The following OCA2 variants were observed in gnomAD, a reference collection of about 807,000 sequenced individuals.
The protein encoded by OCA2 is OCA2 melanosomal transmembrane protein, also known as P protein.
A neutral mutation model predicts 100.2 loss-of-function variants in OCA2; 77 were observed. That is an observed-to-expected ratio of 0.77 (90% CI 0.64 to 0.93). OCA2 has a LOEUF of 0.93. Among genes scored for constraint, OCA2 ranks in the 40% least tolerant of loss-of-function variants. The pLI is 0.00. For synonymous variants in OCA2, 432 were observed against 439.2 expected (o/e 0.98, Z 0.21); for missense variants, 1,062 against 1,089.1 (o/e 0.98, Z 0.35).
rs150161791 is a variant in OCA2 at position 27,770,915 on chromosome 15, C to CTCCCTCCCTCTTTTTTCTTTCCT, written c.2433-15444_2433-15443insAGGAAAGAAAAAAGAGGGAGGGA. On this transcript the variant is annotated intron_variant, in intron 23 of 23. Transcript: ENST00000354638. ...CCATCTCCTTTTCCTTCCTTCCCTC[C>CTCCCTCCCTCTTTTTTCTTTCCT]TCCCTCCCTCTTTTCCTTTCTTCCT... 7.2e-5 allele frequency among the ~76,000 whole-genome samples: 8 copies of CTCCCTCCCTCTTTTTTCTTTCCT among 111,390 alleles called. 1 individual carries two copies. The highest frequency in any genetic ancestry group is 7.1e-4 in the Admixed American group (8 of 11,324). The allele number at this position is 111,390 out of a possible 152,430, so 73.1% of individuals were successfully genotyped here. A position where few individuals can be genotyped will look rare whatever the true frequency, so the allele number is the denominator to read the frequency against.
intron 23 of OCA2, among the ~76,000 whole-genome samples, chr15:27,792,314 G>T (rs1169101334): frequency 6.6e-6 from 1 of 151,854 alleles, no homozygotes; most frequent in African/African-American, 2.4e-5. Flanking sequence ...TTATGCACAT[G>T]AATGAACCAA....
intron 21 of OCA2, among the ~76,000 whole-genome samples, chr15:27,856,820 T>C (rs905973085): frequency 6.6e-6 from 1 of 152,080 alleles, no homozygotes; most frequent in African/African-American, 2.4e-5. Flanking sequence ...TCAATGACCA[T>C]ACACTTTTCA....
intron 9 of OCA2, among the ~76,000 whole-genome samples, chr15:28,004,934 C>T (rs1215458593): frequency 6.6e-6 from 1 of 152,184 alleles, no homozygotes; most frequent in Non-Finnish European, 1.5e-5. Context: ...CAGACAAGGC[C>T]ATCAGACTGT....
chr15:28,026,123 T>A (rs1445541657), intron 4 of OCA2, among the ~76,000 whole-genome samples: 1 of 152,140 alleles, frequency 6.6e-6, no homozygotes. Flanking sequence ...AAATAAAAGG[T>A]TTTTTACAAG....
the OCA2 span, among the ~76,000 whole-genome samples, chr15:27,731,313 A>G: frequency 1.3e-5 from 2 of 150,132 alleles, no homozygotes; most frequent in African/African-American, 5.1e-5. Flanking sequence ...AGTACTTATT[A>G]GTTCTCAGTG....
intron 2 of OCA2, among the ~76,000 whole-genome samples, chr15:28,074,295 T>C (rs2044357405): frequency 6.6e-6 from 1 of 152,074 alleles, no homozygotes; most frequent in Admixed American, 6.6e-5. Context: ...TCCCAGCACT[T>C]TGGGAGGCCG....
chr15:27,883,147 CA>C, intron 19 of OCA2, among the ~76,000 whole-genome samples: 1 of 152,098 alleles, frequency 6.6e-6, no homozygotes, highest in Non-Finnish European at 1.5e-5. Flanking sequence ...TCCTCTGGGC[CA>C]AAAGATGGGG....
intron 18 of OCA2, among the ~76,000 whole-genome samples, chr15:27,946,295 A>G (rs1171403588): frequency 6.6e-6 from 1 of 152,212 alleles, no homozygotes; most frequent in Admixed American, 6.5e-5. Flanking sequence ...GTACTTCTCT[A>G]TTTGAGTCCT....
intron 19 of OCA2, among the ~76,000 whole-genome samples, chr15:27,913,847 GAAA>G (rs2038509009): frequency 6.8e-5 from 2 of 29,362 alleles, no homozygotes; most frequent in Non-Finnish European, 6.0e-5. Flanking sequence ...AGGAAAGAAA[GAAA>G]GAAAGAAAGA....
the OCA2 span, among the ~76,000 whole-genome samples, chr15:27,743,796 C>T: frequency 7.9e-5 from 12 of 152,150 alleles, no homozygotes; most frequent in African/African-American, 2.2e-4. Flanking sequence ...GAGAAGCTGA[C>T]GGCCCTTGGC....
At chr15:28,093,772 G>A (rs1566887878) in intron 1 of OCA2, among the ~76,000 whole-genome samples, 1 of 152,146 alleles carries the variant, frequency 6.6e-6, no homozygotes, top group Non-Finnish European at 1.5e-5. Context: ...AAAAGGAACA[G>A]ACAATTCATA....
intron 16 of OCA2, among the ~76,000 whole-genome samples, chr15:27,956,178 C>T (rs774917415): frequency 5.9e-5 from 9 of 151,988 alleles, no homozygotes; most frequent in Admixed American, 4.6e-4. Context: ...GGAGAAACCC[C>T]GTCTCTACTA....
chr15:28,016,566 G>A (rs954972500), intron 7 of OCA2, among the ~76,000 whole-genome samples: 5 of 152,150 alleles, frequency 3.3e-5, no homozygotes, highest in African/African-American at 7.2e-5. Flanking sequence ...ATCACTTGAG[G>A]CCAAGAGTTC....
intron 8 of OCA2, 51 bp from the exon 9 acceptor site, chr15:28,014,980 A>G: frequency 6.3e-7 from 1 of 1,590,848 alleles, no homozygotes; most frequent in Non-Finnish European, 8.6e-7. Flanking sequence ...CAGTTAGGGG[A>G]CCTCCCTCTG....
intron 18 of OCA2, among the ~76,000 whole-genome samples, chr15:27,949,021 T>C (rs377587757): frequency 1.5e-4 from 23 of 152,194 alleles, no homozygotes; most frequent in African/African-American, 4.6e-4. Context: ...TACACAAACC[T>C]ACCTATGTGT....
intron 19 of OCA2, among the ~76,000 whole-genome samples, chr15:27,872,793 G>A (rs1189282391): frequency 2.6e-5 from 4 of 151,580 alleles, no homozygotes; most frequent in Non-Finnish European, 5.9e-5. Context: ...GGGTTCAAGT[G>A]ATTCTCCTGC....
intron 18 of OCA2, among the ~76,000 whole-genome samples, chr15:27,946,821 T>C (rs1202172950): frequency 6.6e-6 from 1 of 152,240 alleles, no homozygotes; most frequent in Non-Finnish European, 1.5e-5. Context: ...CCATAAAATC[T>C]AAAGTGTTAT....
At chr15:27,908,647 C>T (rs1475239888) in intron 19 of OCA2, among the ~76,000 whole-genome samples, 1 of 152,088 alleles carries the variant, frequency 6.6e-6, no homozygotes, top group Non-Finnish European at 1.5e-5. Context: ...GAGTACAGAT[C>T]CATGTGAGGC....
At chr15:28,088,311 AATC>A (rs2044813517) in intron 1 of OCA2, among the ~76,000 whole-genome samples, 1 of 152,356 alleles carries the variant, frequency 6.6e-6, no homozygotes, top group South Asian at 2.1e-4. Context: ...ATGCAGAGGG[AATC>A]ATCAAGACAA....
Sources: gnomAD v4.1 joint callset for allele counts (sites outside exome capture counted in the v4.1 genomes callset) on GRCh38, gnomAD v4.1.1 for gene constraint, MANE v1.5 for transcripts, NCBI Gene and HGNC (gene_info 2026-07-23, HGNC 2026-07-21) for gene names.